The following CLEC3B variants were observed in gnomAD, a reference collection of about 807,000 sequenced individuals.
The protein encoded by CLEC3B is C-type lectin domain family 3 member B, also known as tetranectin.
A neutral mutation model predicts 15.4 loss-of-function variants in CLEC3B; 13 were observed. The ratio of observed to expected loss-of-function variants is 0.84; its 90% CI spans 0.55 to 1.34. The LOEUF (loss-of-function observed/expected upper bound fraction) is 1.34. Among genes scored for constraint, CLEC3B ranks in the 40% most tolerant of loss-of-function variants. The pLI is 0.00. For missense variants in CLEC3B, 242 were observed against 268.6 expected (o/e 0.90, Z 0.69); for synonymous variants, 112 against 114.7 (o/e 0.98, Z 0.15).
intron 1 of CLEC3B, 74 bp downstream of exon 1, chr3:45,026,545 C>G: frequency 5.3e-6 from 7 of 1,330,224 alleles, no homozygotes; most frequent in Non-Finnish European, 7.5e-6. Context: ...TCCTCATGCT[C>G]CTTTCCTTCA....
rs1697590069 is a variant in CLEC3B, at chr3:45,033,260, G to A, written c.209-2264G>A. On this transcript the variant is annotated intron_variant, in intron 2 of 2. Coordinates refer to ENST00000296130, the MANE Select transcript of CLEC3B (RefSeq NM_003278.3). ...CCACCTGGGGTGAGGTAATGAGGTGGGGACCTCCCTGAAAAAAGTTCATGA... is the reference window on the plus strand; with the variant it reads ...CCACCTGGGGTGAGGTAATGAGGTGAGGACCTCCCTGAAAAAAGTTCATGA... Among the ~76,000 whole-genome samples, 8 of 152,116 alleles carry A rather than the reference G, an allele frequency of 5.3e-5. No individual in the cohort carries two copies. In the South Asian group the frequency reaches 1.7e-3, roughly 32 times the overall value.
chr3:45,035,951 C>T lies in CLEC3B; in HGVS notation c.*27C>T. On this transcript the variant is annotated 3_prime_UTR_variant, in exon 3 of 3. Coordinates refer to ENST00000296130, the MANE Select transcript of CLEC3B (RefSeq NM_003278.3). ...CGGCGGGGCGGGGGCCGTGGGGGGCCTGGAGGAGGGCAGGGGCCGCGGGAG... is the reference window on the plus strand; with the variant it reads ...CGGCGGGGCGGGGGCCGTGGGGGGCTTGGAGGAGGGCAGGGGCCGCGGGAG... 5 of 1,461,692 alleles carry T rather than the reference C, an allele frequency of 3.4e-6. No individual in the cohort carries two copies. The highest frequency in any genetic ancestry group is 3.7e-6 in the Non-Finnish European group (4 of 1,084,150). The allele number at this position is 1,461,692 out of a possible 1,614,324, so 90.5% of individuals were successfully genotyped here. A position where few individuals can be genotyped will look rare whatever the true frequency, so the allele number is the denominator to read the frequency against.
chr3:45,028,550 A>G (rs1446136122), intron 1 of CLEC3B, among the ~76,000 whole-genome samples: 1 of 152,062 alleles, frequency 6.6e-6, no homozygotes, highest in Non-Finnish European at 1.5e-5. Context: ...AGTAAGTGAG[A>G]CTCCGTCTCA....
At chr3:45,026,686 C>T (rs1697489991) in intron 1 of CLEC3B, among the ~76,000 whole-genome samples, 2 of 152,154 alleles carry the variant, frequency 1.3e-5, no homozygotes, top group African/African-American at 4.8e-5. Context: ...AAGAACCTTC[C>T]AGATCATCCA....
At position 45,026,308 on chromosome 3, in the gene CLEC3B, T is replaced by G. The variant is rs981641822; in HGVS notation, c.-55T>G. 2.2e-5 allele frequency: 32 copies of G among 1,479,146 alleles called. No homozygotes were observed. Among genetic ancestry groups the G allele is most frequent in the South Asian group, 4.6e-5 (4 of 86,250 alleles). 91.6% of individuals were successfully genotyped at this position (1,479,146 alleles called of 1,614,324 possible). ...GTGCAGCCTGGGCCGTGGCTGTCAC[T>G]GCGTTCGGACCCAGACCCGCTGCAG... is the stretch of plus-strand genomic sequence containing the variant. On this transcript the variant is annotated 5_prime_UTR_variant, in exon 1 of 3. Coordinates refer to ENST00000296130, the MANE Select transcript of CLEC3B (RefSeq NM_003278.3).
Position 45,035,705 on chromosome 3 carries a change from G to C in CLEC3B, c.390G>C (p.Glu130Asp). Residue 130 changes from glutamate to aspartate, a missense_variant, in exon 3 of 3, where the codon GAG (glutamate) becomes GAC (aspartate). By Grantham distance (45) the Glu-to-Asp change is conservative. Coordinates refer to ENST00000296130, the MANE Select transcript of CLEC3B (RefSeq NM_003278.3). ...YLRQSVGNEA[E>D]IWLGLNDMAA... ...GCCAGAGCGTGGGCAACGAGGCCGA[G>C]ATCTGGCTGGGCCTCAACGACATGG... 1 of 1,613,874 alleles carries C rather than the reference G, an allele frequency of 6.2e-7. No homozygotes were observed. Among genetic ancestry groups the C allele is most frequent in the Non-Finnish European group, 8.5e-7 (1 of 1,180,028 alleles).
chr3:45,030,684 ACC>A (rs1697540933), intron 1 of CLEC3B, 141 bp from the exon 2 acceptor site: 7 of 621,288 alleles, frequency 1.1e-5, no homozygotes, highest in Non-Finnish European at 1.7e-5. Context: ...TAATTAGACT[ACC>A]ACCAGCAAGG....
intron 1 of CLEC3B, among the ~76,000 whole-genome samples, chr3:45,028,097 A>G (rs1697507523): frequency 6.6e-6 from 1 of 152,206 alleles, no homozygotes; most frequent in East Asian, 1.9e-4. Context: ...AACCCATGGC[A>G]GTCTCCCGCC....
At chr3:45,029,179 C>T (rs756876197) in intron 1 of CLEC3B, among the ~76,000 whole-genome samples, 14 of 152,202 alleles carry the variant, frequency 9.2e-5, no homozygotes, top group Non-Finnish European at 1.3e-4. Flanking sequence ...GCTTCCTGTA[C>T]CTTGGACAGT....
chr3:45,034,098 G>GTCT (rs1392527007), intron 2 of CLEC3B, among the ~76,000 whole-genome samples: 1 of 152,194 alleles, frequency 6.6e-6, no homozygotes, highest in African/African-American at 2.4e-5. Flanking sequence ...AGAGATGGCT[G>GTCT]TCTTCTGCTG....
At chr3:45,030,794 T>C (rs375161837) in intron 1 of CLEC3B, 33 bp from the exon 2 acceptor site, 43 of 1,479,390 alleles carry the variant, frequency 2.9e-5, no homozygotes, top group Middle Eastern at 1.7e-4. Flanking sequence ...GCTCAGTCCC[T>C]GCCCCACCCT....
chr3:45,026,393 T>G lies in CLEC3B; in HGVS notation c.31T>G (p.Cys11Gly), dbSNP rs1161209733. Residue 11 changes from cysteine to glycine, a missense_variant, in exon 1 of 3, where the codon TGC becomes GGC. Coordinates refer to ENST00000296130, the MANE Select transcript of CLEC3B (RefSeq NM_003278.3). ...GCTCTGGGGGGCCTACCTCCTCCTC[T>G]GCCTCTTCTCCCTCCTGACCCAGGT... is the stretch of plus-strand genomic sequence containing the variant. MELWGAYLLL[C>G]LFSLLTQVTT... 1.9e-6 allele frequency: 3 copies of G among 1,614,074 alleles called. No homozygotes were observed. In the African/African-American group the frequency reaches 4.0e-5, roughly 22 times the overall value.
intron 2 of CLEC3B, among the ~76,000 whole-genome samples, chr3:45,031,931 TCTTGATG>T (rs1413830251): frequency 6.7e-6 from 1 of 150,212 alleles, no homozygotes; most frequent in African/African-American, 2.5e-5. Context: ...CTGGCACTGT[TCTTGATG>T]CTTGATGCAC....
At chr3:45,030,366 G>C (rs2125979857) in intron 1 of CLEC3B, 1 of 311,316 alleles carries the variant, frequency 3.2e-6, no homozygotes, top group Admixed American at 6.1e-5. Context: ...GGCCACCCGT[G>C]TCTGTGGCAC....
intron 2 of CLEC3B, among the ~76,000 whole-genome samples, chr3:45,032,463 CCTTT>C (rs1697572683): frequency 1.3e-5 from 2 of 152,336 alleles, no homozygotes; most frequent in South Asian, 4.1e-4. Flanking sequence ...AGAACAGTGT[CCTTT>C]CTTTTATCAC....
intron 1 of CLEC3B, among the ~76,000 whole-genome samples, chr3:45,028,896 A>C (rs1697518088): frequency 6.6e-6 from 1 of 152,172 alleles, no homozygotes. Flanking sequence ...GGTGGGTGAG[A>C]AGCGGGGAGC....
At position 45,035,540 on chromosome 3, in the gene CLEC3B, C is replaced by G. The variant is rs1372273071; in HGVS notation, c.225C>G (p.Thr75=). 6.2e-7 allele frequency: 1 copy of G among 1,606,718 alleles called. No individual in the cohort carries two copies. Among genetic ancestry groups the G allele is most frequent in the Non-Finnish European group, 8.5e-7 (1 of 1,175,328 alleles). ...CACTCCCAGTCTGCCTGAAGGGGAC[C>G]AAGGTGCACATGAAATGCTTTCTGG... ...QALQTVCLKG[T]KVHMKCFLAF... is the part of the protein sequence containing the mutation. Residue 75 remains threonine (T), a synonymous_variant, in exon 3 of 3, where the codon ACC becomes ACG. Transcript: ENST00000296130.
At position 45,036,020 on chromosome 3, in the gene CLEC3B, G is replaced by A; in HGVS notation, c.*96G>A. The stretch of plus-strand genomic sequence containing the variant: ...ACCTTGCAGCCCCCATCCTCTCCGT[G>A]CGCTTGGAGCCTCTTTTTGCAAATA... On this transcript the variant is annotated 3_prime_UTR_variant, in exon 3 of 3. Coordinates refer to ENST00000296130, the MANE Select transcript of CLEC3B (RefSeq NM_003278.3). 7.5e-7 allele frequency: 1 copy of A among 1,329,220 alleles called. No individual in the cohort carries two copies. The highest frequency in any genetic ancestry group is 1.0e-6 in the Non-Finnish European group (1 of 999,968). 82.3% of individuals were successfully genotyped at this position (1,329,220 alleles called of 1,614,324 possible).
At chr3:45,034,655 C>T (rs919008066) in intron 2 of CLEC3B, 1 of 152,196 alleles carries the variant, frequency 6.6e-6, no homozygotes, top group African/African-American at 2.4e-5. Flanking sequence ...AGATTTTATC[C>T]TCCTAACTTG....
Sources: gnomAD v4.1 joint callset for allele counts (sites outside exome capture counted in the v4.1 genomes callset) on GRCh38, gnomAD v4.1.1 for gene constraint, MANE v1.5 for transcripts, NCBI Gene and HGNC (gene_info 2026-07-23, HGNC 2026-07-21) for gene names.